Variants in MED27 observed in about 807,000 individuals in gnomAD.
The protein encoded by MED27 is mediator complex subunit 27, also known as mediator of RNA polymerase II transcription subunit 27.
Under a neutral mutation model 38.2 loss-of-function variants are expected in MED27, and 30 were observed. The observed-to-expected ratio is 0.79, with a 90% CI of 0.59 to 1.07. MED27 has a LOEUF of 1.07. Among genes scored for constraint, MED27 ranks in the 50% least tolerant of loss-of-function variants. The probability of loss-of-function intolerance (pLI) is 0.00; values close to 1 mark genes in which losing one functional copy is unlikely to be tolerated. For synonymous variants in MED27, 122 were observed against 153.5 expected (o/e 0.79, Z 1.52); for missense variants, 289 against 397.5 (o/e 0.73, Z 2.32).
At chr9:131,987,604 T>C (rs556141379) in intron 3 of MED27, among the ~76,000 whole-genome samples, 22 of 152,342 alleles carry the variant, frequency 1.4e-4, no homozygotes, top group African/African-American at 4.8e-4. Flanking sequence ...ATTAAGTCAG[T>C]CTTTAAGGTA....
intron 2 of MED27, among the ~76,000 whole-genome samples, chr9:132,028,982 T>C (rs1158998178): frequency 6.6e-6 from 1 of 152,238 alleles, no homozygotes; most frequent in Non-Finnish European, 1.5e-5. Context: ...TCTTGAGACC[T>C]GGAAGCCATC....
Position 131,893,912 on chromosome 9 carries a change from G to A in MED27, c.654C>T (p.Asn218=), listed in dbSNP as rs372410213. The A allele has an allele frequency of 1.7e-5, 27 of 1,613,874 alleles. No homozygotes were observed. The highest frequency in any genetic ancestry group is 5.3e-5 in the African/African-American group (4 of 74,912). Residue 218 remains asparagine, a synonymous_variant, in exon 5 of 8, where the codon AAC becomes AAT. Coordinates refer to ENST00000292035, the MANE Select transcript of MED27 (RefSeq NM_004269.4). ...TGCCATCTTCTGTGTAGACATTCTC[G>A]TTATATCCCTTTACTATTGTTCGAT... is the stretch of plus-strand genomic sequence containing the variant. ...FIDRTIVKGY[N]ENVYTEDGKL...
Position 131,860,570 on chromosome 9 carries a change from G to C in MED27, c.904C>G (p.Leu302Val). The C allele has an allele frequency of 2.5e-6, 4 of 1,580,100 alleles. No individual in the cohort carries two copies. Among genetic ancestry groups the C allele is most frequent in the Non-Finnish European group, 3.4e-6 (4 of 1,162,804 alleles). ...LPPTWRDFRT[L>V]EAFHDTCRQ Reference sequence around the variant, plus strand: ...CGGCAGGTGTCATGGAAGGCTTCGAGGGTTCGGAAATCCCTCCATGTCGGG... The same window carrying C: ...CGGCAGGTGTCATGGAAGGCTTCGACGGTTCGGAAATCCCTCCATGTCGGG... Residue 302 changes from leucine to valine, a missense_variant, in exon 8 of 8, where the codon CTC becomes GTC. Transcript: ENST00000292035. This position sits in a 1 kb window ranked among gnomAD's most constrained non-coding sequence, Gnocchi z 5.8.
rs1262153574 is a variant in MED27 at position 131,883,679 on chromosome 9, T to C, written c.723+379A>G. On this transcript the variant is annotated intron_variant, in intron 6 of 7. Coordinates refer to ENST00000292035, the MANE Select transcript of MED27 (RefSeq NM_004269.4). The surrounding 1 kb of genome is among the most constrained non-coding windows in gnomAD (Gnocchi z 4.2). Reference sequence around the variant, plus strand: ...GTTTTTGGAACATCTCAAAAACCTATGGTTTTCCTAAGGTATAATTTACAT... The same window carrying C: ...GTTTTTGGAACATCTCAAAAACCTACGGTTTTCCTAAGGTATAATTTACAT... Among the ~76,000 whole-genome samples the C allele has an allele frequency of 1.3e-5, 2 of 152,216 alleles. No individual in the cohort carries two copies. The highest frequency in any genetic ancestry group is 2.1e-4 in the South Asian group (1 of 4,828).
chr9:131,902,280 G>A (rs1179084843), intron 4 of MED27, among the ~76,000 whole-genome samples: 1 of 152,156 alleles, frequency 6.6e-6, no homozygotes, highest in African/African-American at 2.4e-5. Context: ...TGACAGAGTC[G>A]TGCTGGGCGG....
At chr9:131,888,343 G>A (rs962014490) in intron 5 of MED27, among the ~76,000 whole-genome samples, 1 of 152,198 alleles carries the variant, frequency 6.6e-6, no homozygotes, top group Non-Finnish European at 1.5e-5. Flanking sequence ...CGAGGTGGGG[G>A]AATTTGAAAC....
chr9:131,993,542 G>C (rs1375012228), intron 3 of MED27, among the ~76,000 whole-genome samples: 2 of 152,208 alleles, frequency 1.3e-5, no homozygotes, highest in Non-Finnish European at 2.9e-5. Flanking sequence ...CTGATTCTCA[G>C]AGACCTGAGG....
intron 6 of MED27, among the ~76,000 whole-genome samples, chr9:131,882,032 G>T (rs1287091987): frequency 6.6e-6 from 1 of 151,916 alleles, no homozygotes; most frequent in African/African-American, 2.4e-5. Flanking sequence ...GGGATTACAG[G>T]CATGAGCCAC....
intron 3 of MED27, among the ~76,000 whole-genome samples, chr9:131,999,465 AT>A (rs1452363364): frequency 2.0e-5 from 3 of 152,178 alleles, no homozygotes; most frequent in Non-Finnish European, 4.4e-5. Flanking sequence ...GAACAGGACA[AT>A]GGGGGTCACC....
intron 3 of MED27, among the ~76,000 whole-genome samples, chr9:131,951,185 A>G (rs1830989225): frequency 1.3e-5 from 2 of 152,210 alleles, no homozygotes; most frequent in Non-Finnish European, 2.9e-5. Flanking sequence ...TCGGGTGTCT[A>G]CTGAACAGAA....
At chr9:132,038,889 C>T (rs995939145) in intron 2 of MED27, among the ~76,000 whole-genome samples, 5 of 152,094 alleles carry the variant, frequency 3.3e-5, no homozygotes, top group South Asian at 4.1e-4. Flanking sequence ...GGGCTTCGAA[C>T]GGAGTGACAG....
At chr9:132,059,691 C>A (rs149646566) in intron 2 of MED27, among the ~76,000 whole-genome samples, 3 of 152,300 alleles carry the variant, frequency 2.0e-5, no homozygotes, top group Admixed American at 2.0e-4. Context: ...AATAAATCCT[C>A]GGGAAAGCAG....
intron 2 of MED27, among the ~76,000 whole-genome samples, chr9:132,036,043 G>A (rs1214753857): frequency 6.6e-6 from 1 of 151,998 alleles, no homozygotes; most frequent in Non-Finnish European, 1.5e-5. Context: ...CCATTCTGGT[G>A]CTGGGTTGTT....
At chr9:131,881,715 C>T (rs181434909) in intron 6 of MED27, among the ~76,000 whole-genome samples, 2 of 151,750 alleles carry the variant, frequency 1.3e-5, no homozygotes, top group Admixed American at 1.3e-4. Flanking sequence ...AATAACTGAA[C>T]TCCAACCTTT....
chr9:131,936,473 C>T (rs1830687398), intron 4 of MED27, among the ~76,000 whole-genome samples: 1 of 152,214 alleles, frequency 6.6e-6, no homozygotes, highest in African/African-American at 2.4e-5. Flanking sequence ...GAATTACTTC[C>T]CCTCCACTCC....
chr9:131,924,266 C>A (rs1830444923), intron 4 of MED27, among the ~76,000 whole-genome samples: 1 of 152,034 alleles, frequency 6.6e-6, no homozygotes, highest in Non-Finnish European at 1.5e-5. Context: ...TAATTTTTGC[C>A]AATCTGGTAG....
intron 2 of MED27, among the ~76,000 whole-genome samples, chr9:132,049,911 G>C (rs1295664518): frequency 6.6e-6 from 1 of 152,118 alleles, no homozygotes; most frequent in Non-Finnish European, 1.5e-5. Context: ...TCCAGAATTG[G>C]AATGTCTGTA....
intron 5 of MED27, among the ~76,000 whole-genome samples, chr9:131,888,984 C>G (rs1229307145): frequency 6.6e-6 from 1 of 152,216 alleles, no homozygotes; most frequent in Non-Finnish European, 1.5e-5. Flanking sequence ...AAACTGGATT[C>G]CCCTTTCCCT....
At chr9:132,035,901 G>A (rs1833065100) in intron 2 of MED27, among the ~76,000 whole-genome samples, 1 of 151,986 alleles carries the variant, frequency 6.6e-6, no homozygotes, top group Non-Finnish European at 1.5e-5. Context: ...GGAAGTGGAG[G>A]CTGCAGTGAG....
Sources: allele counts gnomAD v4.1 joint callset (sites outside exome capture counted in the v4.1 genomes callset), GRCh38; gene constraint gnomAD v4.1.1; non-coding constraint Gnocchi (gnomAD v3.1); transcripts MANE v1.5; gene names NCBI Gene and HGNC (gene_info 2026-07-23, HGNC 2026-07-21).